Variants in GAK observed in about 807,000 individuals in gnomAD.
GAK encodes the protein cyclin-G-associated kinase.
Under a neutral mutation model 143.9 loss-of-function variants are expected in GAK, and 79 were observed. The ratio of observed to expected loss-of-function variants is 0.55; its 90% CI spans 0.46 to 0.66. GAK has a LOEUF of 0.66. Ranked by LOEUF, GAK falls within the 30% of genes least tolerant of loss-of-function variation. The probability of loss-of-function intolerance (pLI) is 0.00; values close to 1 mark genes in which losing one functional copy is unlikely to be tolerated. For missense variants in GAK, 1,693 were observed against 1,779.7 expected (o/e 0.95, Z 0.88); for synonymous variants, 881 against 765.5 (o/e 1.15, Z -2.49).
intron 17 of GAK, 21 bp downstream of exon 17, chr4:877,069 G>A (rs757416472): frequency 9.0e-6 from 14 of 1,548,842 alleles, no homozygotes; most frequent in Non-Finnish European, 1.2e-5. Context: ...GGAGCACCGG[G>A]CAAGCCACAG....
chr4:912,913 C>T, intron 2 of GAK, 119 bp from the exon 3 acceptor site: 1 of 714,640 alleles, frequency 1.4e-6, no homozygotes, highest in Non-Finnish European at 2.2e-6. Flanking sequence ...AATACAGCTC[C>T]CCCCGTTTCG....
At chr4:888,725 G>A in intron 11 of GAK, 122 bp downstream of exon 11, 1 of 1,222,196 alleles carries the variant, frequency 8.2e-7, no homozygotes, top group Middle Eastern at 2.1e-4. Flanking sequence ...CTGTCCCACT[G>A]CCTCAGGGGC....
chr4:852,026 C>T lies in GAK; in HGVS notation c.3284-52G>A, dbSNP rs746370239. Reference sequence around the variant, plus strand: ...GCATCTGGTTGTCCATGAGGGGCAACTACTGTTTCTATAACGCAGAGCACC... The same window carrying T: ...GCATCTGGTTGTCCATGAGGGGCAATTACTGTTTCTATAACGCAGAGCACC... On this transcript the variant is annotated intron_variant, in intron 24 of 27. Coordinates refer to ENST00000314167, the MANE Select transcript of GAK (RefSeq NM_005255.4). 7 of 1,412,852 alleles carry T rather than the reference C, an allele frequency of 5.0e-6. No individual in the cohort carries two copies. In the South Asian group the frequency reaches 8.2e-5, roughly 17 times the overall value. 87.5% of individuals were successfully genotyped at this position (1,412,852 alleles called of 1,614,324 possible).
At chr4:926,538 G>A (rs1724776337) in intron 1 of GAK, among the ~76,000 whole-genome samples, 1 of 152,186 alleles carries the variant, frequency 6.6e-6, no homozygotes, top group African/African-American at 2.4e-5. Flanking sequence ...ACTTTCCAGG[G>A]CTACTGTGAG....
At chr4:925,926 T>A (rs1444573384) in intron 1 of GAK, among the ~76,000 whole-genome samples, 1 of 152,144 alleles carries the variant, frequency 6.6e-6, no homozygotes, top group Admixed American at 6.5e-5. Flanking sequence ...CATGAGCAAT[T>A]CACCAGGAGT....
chr4:931,608 C>T (rs1577358708), intron 1 of GAK, among the ~76,000 whole-genome samples: 2 of 152,322 alleles, frequency 1.3e-5, no homozygotes, highest in South Asian at 2.1e-4. Context: ...CGCTCACCTC[C>T]TGACTCCAGC....
intron 5 of GAK, among the ~76,000 whole-genome samples, chr4:902,447 A>G (rs1720045341): frequency 1.3e-5 from 2 of 151,064 alleles, no homozygotes; most frequent in Non-Finnish European, 2.9e-5. Context: ...TCTACTGAAA[A>G]TACAAAAACT....
intron 15 of GAK, among the ~76,000 whole-genome samples, chr4:879,677 G>C (rs1472775897): frequency 6.6e-6 from 1 of 152,100 alleles, no homozygotes; most frequent in Admixed American, 6.5e-5. Context: ...ATCCTGCTTG[G>C]TGACCTCTGA....
Position 870,738 on chromosome 4 carries a change from C to T in GAK, c.2221G>A (p.Glu741Lys). The T allele has an allele frequency of 6.2e-7, 1 of 1,613,998 alleles. No homozygotes were observed. The highest frequency in any genetic ancestry group is 8.5e-7 in the Non-Finnish European group (1 of 1,179,982). The change falls in exon 19 of 28, where the codon GAG (glutamate) becomes AAG (lysine). Residue 741 changes from glutamate to lysine, a missense_variant. Coordinates refer to ENST00000314167, the MANE Select transcript of GAK (RefSeq NM_005255.4). Reference protein sequence around the residue: ...NPKILFSSREEQQDILSKFGK... With the variant: ...NPKILFSSREKQQDILSKFGK... ...AACTTAGACAGAATGTCTTGCTGCT[C>T]CTCCCGGCTGGAAAACAGGATTTTG...
chr4:920,379 G>A (rs1723720181), intron 1 of GAK, among the ~76,000 whole-genome samples: 1 of 151,624 alleles, frequency 6.6e-6, no homozygotes, highest in Non-Finnish European at 1.5e-5. Context: ...CACCTCTAAC[G>A]CAGTATCACA....
chr4:930,586 A>G lies in GAK; in HGVS notation c.145+1457T>C, dbSNP rs76414818. ...GTCCCTGTGCTGCCTCTGTCTCTCC[A>G]CCCCTTGAGCACAAGTCTGAAGTTC... On this transcript the variant is annotated intron_variant, in intron 1 of 27. Transcript: ENST00000314167. 8.8e-4 allele frequency among the ~76,000 whole-genome samples: 133 copies of G among 150,810 alleles called. 4 individuals carry two copies. The East Asian group carries it at 0.023, about 27-fold the overall frequency.
intron 24 of GAK, chr4:859,076 C>T (rs984528432): frequency 5.9e-5 from 45 of 767,106 alleles, no homozygotes; most frequent in Non-Finnish European, 7.0e-5. Context: ...GGGAGTGAAC[C>T]CAGAGACCCA....
At position 925,028 on chromosome 4, in the gene GAK, CTA is replaced by C. The variant is rs1724495377; in HGVS notation, c.145+7013_145+7014del. On this transcript the variant is annotated intron_variant, in intron 1 of 27. Transcript: ENST00000314167. The stretch of plus-strand genomic sequence containing the variant: ...CAGGATCTGAGATCACACCCCTGTA[CTA>C]CAGCCTGGGCAACACAACAAGACTC... Among the ~76,000 whole-genome samples, 3 of 152,214 alleles carry C rather than the reference CTA, an allele frequency of 2.0e-5. No individual in the cohort carries two copies. The South Asian group carries it at 6.2e-4, about 32-fold the overall frequency.
chr4:889,445 T>TA (rs33930949), intron 10 of GAK, among the ~76,000 whole-genome samples: 1,632 of 148,582 alleles, frequency 0.011, 18 homozygotes, highest in African/African-American at 0.035. Context: ...CAAGTGGTGT[T>TA]AAAAAAAAAA....
At chr4:900,480 G>A (rs528289708) in intron 5 of GAK, among the ~76,000 whole-genome samples, 1 of 152,222 alleles carries the variant, frequency 6.6e-6, no homozygotes, top group African/African-American at 2.4e-5. Context: ...CAACCCTTCT[G>A]TTTCTGTTCT....
At chr4:896,729 C>G (rs1718846746) in intron 6 of GAK, among the ~76,000 whole-genome samples, 180 bp from the exon 7 acceptor site, 1 of 152,276 alleles carries the variant, frequency 6.6e-6, no homozygotes, top group African/African-American at 2.4e-5. Context: ...CGCTGCTCAT[C>G]TTCGGCCTCA....
chr4:904,954 T>C (rs1183633269), intron 4 of GAK, among the ~76,000 whole-genome samples, 175 bp from the exon 5 acceptor site: 1 of 152,236 alleles, frequency 6.6e-6, no homozygotes, highest in Non-Finnish European at 1.5e-5. Flanking sequence ...GCCTGGCAGA[T>C]GGGAAACTGC....
chr4:874,914 T>A (rs1240979043), intron 18 of GAK, among the ~76,000 whole-genome samples: 1 of 152,210 alleles, frequency 6.6e-6, no homozygotes, highest in Non-Finnish European at 1.5e-5. Context: ...TGTCAGAAGA[T>A]CTTTTCTACC....
At position 868,658 on chromosome 4, in the gene GAK, C is replaced by T. The variant is rs1176549162; in HGVS notation, c.2276G>A (p.Gly759Asp). ...CCCAGCATCATACTGAGCCGTGGAGCCAGGCTGCCGGGGAAGCTCCGGCTT... is the reference window on the plus strand; with the variant it reads ...CCCAGCATCATACTGAGCCGTGGAGTCAGGCTGCCGGGGAAGCTCCGGCTT... The part of the protein sequence containing the change: ...FGKPELPRQP[G>D]STAQYDAGAG... The change falls in exon 20 of 28, where the codon GGC becomes GAC. Residue 759 changes from glycine (G) to aspartate (D), a missense_variant. Physicochemically the swap from Gly to Asp is moderately conservative, Grantham distance 94 (BLOSUM62 -1). This residue lies in a region of GAK where 822 missense variants were observed against 788.7 expected (regional missense o/e 1.04). Coordinates refer to ENST00000314167, the MANE Select transcript of GAK (RefSeq NM_005255.4). 6.4e-7 allele frequency: 1 copy of T among 1,556,084 alleles called. No homozygotes were observed. Among genetic ancestry groups the T allele is most frequent in the Non-Finnish European group, 8.7e-7 (1 of 1,150,234 alleles).
Sources: allele counts gnomAD v4.1 joint callset (sites outside exome capture counted in the v4.1 genomes callset), GRCh38; gene constraint gnomAD v4.1.1; regional missense constraint gnomAD v4.1.1; transcripts MANE v1.5; gene names NCBI Gene and HGNC (gene_info 2026-07-23, HGNC 2026-07-21).